HECW2: variants seen among roughly 807,000 people sequenced by gnomAD.
HECW2 encodes E3 ubiquitin-protein ligase HECW2.
Under a neutral mutation model 175.2 loss-of-function variants are expected in HECW2, and 61 were observed. That is an observed-to-expected ratio of 0.35 (90% CI 0.28 to 0.43). The LOEUF is 0.43. Ranked by LOEUF, HECW2 falls within the 20% of genes least tolerant of loss-of-function variation. The probability of loss-of-function intolerance (pLI) is 1.00; values close to 1 mark genes in which losing one functional copy is unlikely to be tolerated. For missense variants in HECW2, 1,524 were observed against 2,000.5 expected, an observed-to-expected ratio of 0.76 and a Z score of 4.54; for synonymous variants, 671 against 731.0, an observed-to-expected ratio of 0.92 and a Z score of 1.32.
intron 1 of HECW2, among the ~76,000 whole-genome samples, chr2:196,487,679 G>C (rs1440848416): frequency 1.3e-5 from 2 of 152,162 alleles, no homozygotes; most frequent in Non-Finnish European, 2.9e-5. Flanking sequence ...TCTTCTAAGA[G>C]AACAGCCAAA....
At chr2:196,380,768 A>G (rs961265180) in intron 2 of HECW2, among the ~76,000 whole-genome samples, 3 of 152,086 alleles carry the variant, frequency 2.0e-5, no homozygotes, top group African/African-American at 7.2e-5. Context: ...ATGGTTGCAG[A>G]GCTTCTGGTT....
chr2:196,516,637 G>A (rs1185776948), intron 1 of HECW2, among the ~76,000 whole-genome samples: 1 of 152,126 alleles, frequency 6.6e-6, no homozygotes, highest in East Asian at 1.9e-4. Flanking sequence ...AGAAACATTA[G>A]TCCCTTACTG....
chr2:196,241,861 A>C (rs953616561), intron 20 of HECW2, among the ~76,000 whole-genome samples: 2 of 152,250 alleles, frequency 1.3e-5, no homozygotes, highest in African/African-American at 2.4e-5. Context: ...TTTTGCATGA[A>C]AAGTGGCAGT....
intron 1 of HECW2, among the ~76,000 whole-genome samples, chr2:196,529,581 A>T (rs1465864992): frequency 1.3e-5 from 2 of 152,316 alleles, no homozygotes; most frequent in East Asian, 3.9e-4. Context: ...TAAATATTAC[A>T]TTGTTATGAA....
At chr2:196,320,533 T>C in intron 7 of HECW2, 94 bp from the exon 8 acceptor site, 1 of 682,414 alleles carries the variant, frequency 1.5e-6, no homozygotes, top group African/African-American at 1.8e-5. Flanking sequence ...CTCCTATCTC[T>C]CTTAAAACTT....
chr2:196,203,541 G>C (rs978002415), intron 28 of HECW2, among the ~76,000 whole-genome samples: 12 of 152,172 alleles, frequency 7.9e-5, no homozygotes, highest in African/African-American at 2.9e-4. Flanking sequence ...TATCCTATTA[G>C]ACTAACAGAT....
chr2:196,471,514 A>G (rs938803899), intron 1 of HECW2, among the ~76,000 whole-genome samples: 1 of 152,214 alleles, frequency 6.6e-6, no homozygotes, highest in Non-Finnish European at 1.5e-5. Context: ...ACACATGCAC[A>G]TATATGTTCA....
At chr2:196,547,369 A>G (rs979517527) in intron 1 of HECW2, among the ~76,000 whole-genome samples, 2 of 152,218 alleles carry the variant, frequency 1.3e-5, no homozygotes, top group Non-Finnish European at 2.9e-5. Context: ...AGTTTAACTG[A>G]ATCCTGCCTT....
rs529563990 is a variant in HECW2 at position 196,562,492 on chromosome 2, TAA to T, written c.-36+31014_-36+31015del. On this transcript the variant is annotated intron_variant, in intron 1 of 28. Transcript: ENST00000644978. ...AAAGCTGAAAGAGGGCTTGGAAATATAAAAGACAGGTAAAGTGGATACAGAGA... is the reference window on the plus strand; with the variant it reads ...AAAGCTGAAAGAGGGCTTGGAAATATAAGACAGGTAAAGTGGATACAGAGA... Among the ~76,000 whole-genome samples, 165 of 152,306 alleles carry T rather than the reference TAA, an allele frequency of 1.1e-3. 1 individual carries two copies. The highest frequency in any genetic ancestry group is 1.8e-3 in the Admixed American group (28 of 15,296).
intron 2 of HECW2, among the ~76,000 whole-genome samples, chr2:196,411,949 G>A (rs1695124267): frequency 6.6e-6 from 1 of 152,214 alleles, no homozygotes; most frequent in East Asian, 1.9e-4. Flanking sequence ...GGCAGAGGTT[G>A]CAGTGAGCCA....
chr2:196,445,772 T>C (rs1471676260), intron 1 of HECW2, among the ~76,000 whole-genome samples: 2 of 152,188 alleles, frequency 1.3e-5, no homozygotes, highest in South Asian at 2.1e-4. Context: ...AAACATGGCA[T>C]GCATTTTAGG....
At chr2:196,412,507 T>G (rs1452273379) in intron 2 of HECW2, among the ~76,000 whole-genome samples, 2 of 152,224 alleles carry the variant, frequency 1.3e-5, no homozygotes, top group Non-Finnish European at 2.9e-5. Flanking sequence ...CAGTCCTTAT[T>G]CACAAAGAGT....
intron 2 of HECW2, among the ~76,000 whole-genome samples, chr2:196,429,422 AT>A (rs1695643538): frequency 6.6e-6 from 1 of 152,226 alleles, no homozygotes; most frequent in Non-Finnish European, 1.5e-5. Context: ...AAGTGACAAC[AT>A]AGATGTAAGC....
At chr2:196,271,623 A>G (rs953907813) in intron 16 of HECW2, among the ~76,000 whole-genome samples, 2 of 152,166 alleles carry the variant, frequency 1.3e-5, no homozygotes, top group Admixed American at 6.5e-5. Flanking sequence ...TCTGTTTTTC[A>G]GCCAGGCATG....
intron 21 of HECW2, among the ~76,000 whole-genome samples, chr2:196,228,755 G>T (rs1424606800): frequency 6.6e-6 from 1 of 152,174 alleles, no homozygotes; most frequent in Non-Finnish European, 1.5e-5. Context: ...TCAAGATTAA[G>T]ACATTACAGA....
At chr2:196,553,102 C>T (rs1010886411) in intron 1 of HECW2, among the ~76,000 whole-genome samples, 1 of 152,190 alleles carries the variant, frequency 6.6e-6, no homozygotes, top group Admixed American at 6.5e-5. Flanking sequence ...ACTATAACTG[C>T]TTTCTAGGAA....
At position 196,253,944 on chromosome 2, in the gene HECW2, C is replaced by A. The variant is rs1158080572; in HGVS notation, c.3505G>T (p.Val1169Leu). ...SYCQSPRGSP[V>L]SSPQNSPGTQ... ...CCTGGCGAGTTCTGAGGAGATGACA[C>A]GGGAGAGCCACGTGGGGACTGACAG... Residue 1169 changes from valine to leucine, a missense_variant, in exon 19 of 29, where the codon GTG becomes TTG. This residue lies in a region of HECW2 where 291 missense variants were observed against 412.2 expected (regional missense o/e 0.71). Transcript: ENST00000644978. The A allele has an allele frequency of 2.0e-5, 32 of 1,613,774 alleles. No individual in the cohort carries two copies. The highest frequency in any genetic ancestry group is 2.5e-5 in the Non-Finnish European group (30 of 1,179,886).
intron 2 of HECW2, among the ~76,000 whole-genome samples, chr2:196,384,409 C>A (rs1481791389): frequency 6.6e-6 from 1 of 151,916 alleles, no homozygotes; most frequent in Non-Finnish European, 1.5e-5. Context: ...AGAAAGACCC[C>A]ATCTCTACAA....
Position 196,222,228 on chromosome 2 carries a change from C to T in HECW2, c.4129G>A (p.Glu1377Lys). 3 of 1,613,476 alleles carry T rather than the reference C, an allele frequency of 1.9e-6. No individual in the cohort carries two copies. The highest frequency in any genetic ancestry group is 2.5e-6 in the Non-Finnish European group (3 of 1,179,730). Residue 1377 changes from glutamate (E) to lysine (K), a missense_variant, in exon 24 of 29, where the codon GAA becomes AAA. Around this residue, in one of 11 missense-constraint regions of HECW2, gnomAD observed 134 missense variants for 287.8 expected, o/e 0.47. Coordinates refer to ENST00000644978, the MANE Select transcript of HECW2 (RefSeq NM_001348768.2). ...DILDLTFTVN[E>K]EVFGQITERE... ...ACACACACCTGCCCAAATACTTCTTCGTTCACAGTGAACGTGAGGTCTAGG... is the reference window on the plus strand; with the variant it reads ...ACACACACCTGCCCAAATACTTCTTTGTTCACAGTGAACGTGAGGTCTAGG...
Sources: gnomAD v4.1 joint callset for allele counts (sites outside exome capture counted in the v4.1 genomes callset) on GRCh38, gnomAD v4.1.1 for gene constraint, gnomAD v4.1.1 regional missense constraint, MANE v1.5 for transcripts, NCBI Gene and HGNC (gene_info 2026-07-23, HGNC 2026-07-21) for gene names.